The following UBE2K variants were observed in gnomAD, a reference collection of about 807,000 sequenced individuals.
The protein encoded by UBE2K is ubiquitin-conjugating enzyme E2 K.
In UBE2K, 6 loss-of-function variants were observed where a neutral mutation model predicts 30.0. The ratio of observed to expected loss-of-function variants is 0.20; its 90% confidence interval spans 0.11 to 0.39. The LOEUF is 0.39. UBE2K is among the 10% of genes least tolerant of loss of function. The probability of loss-of-function intolerance (pLI) is 1.00; values close to 1 mark genes in which losing one functional copy is unlikely to be tolerated. For missense variants in UBE2K, 61 were observed against 241.6 expected (o/e 0.25, Z 4.96); for synonymous variants, 86 against 83.7 (o/e 1.03, Z -0.15).
intron 2 of UBE2K, among the ~76,000 whole-genome samples, chr4:39,739,608 G>A (rs747833471): frequency 2.6e-4 from 39 of 151,820 alleles, no homozygotes; most frequent in Admixed American, 3.9e-4. Flanking sequence ...CACCATGCCC[G>A]GCTAATTTTT....
chr4:39,779,137 C>T lies in UBE2K; in HGVS notation c.*703C>T, dbSNP rs1713457704. The T allele has an allele frequency of 7.2e-6, 1 of 138,624 alleles. No homozygotes were observed. Among genetic ancestry groups the T allele is most frequent in the African/African-American group, 2.7e-5 (1 of 37,576 alleles). 8.6% of individuals were successfully genotyped at this position (138,624 alleles called of 1,614,324 possible). On this transcript the variant is annotated 3_prime_UTR_variant, in exon 7 of 7. Coordinates refer to ENST00000261427, the MANE Select transcript of UBE2K (RefSeq NM_005339.5). Reference sequence around the variant, plus strand: ...AAATGTGCTGAAGGACAGTATGTATCCCTTGCTTCATTTTTAGGTCGTAGG... The same window carrying T: ...AAATGTGCTGAAGGACAGTATGTATTCCTTGCTTCATTTTTAGGTCGTAGG...
At position 39,772,669 on chromosome 4, in the gene UBE2K, C is replaced by T. The variant is rs189851682; in HGVS notation, c.300-2165C>T. Among the ~76,000 whole-genome samples, 1,164 of 151,504 alleles carry T rather than the reference C, an allele frequency of 7.7e-3. 10 individuals carry two copies. Among genetic ancestry groups the T allele is most frequent in the Middle Eastern group, 0.02 (6 of 294 alleles). ...TAATATGTCCACATATTTATACATA[C>T]CTCTATTAATTGATAAAGCAACTTT... is the stretch of plus-strand genomic sequence containing the variant. On this transcript the variant is annotated intron_variant, in intron 4 of 6. Coordinates refer to ENST00000261427, the MANE Select transcript of UBE2K (RefSeq NM_005339.5).
chr4:39,772,413 A>AC (rs1712950339), intron 4 of UBE2K, among the ~76,000 whole-genome samples: 1 of 145,028 alleles, frequency 6.9e-6, no homozygotes, highest in Non-Finnish European at 1.5e-5. Flanking sequence ...AAAAAAAAAA[A>AC]AATTGTTTTT....
intron 1 of UBE2K, among the ~76,000 whole-genome samples, chr4:39,720,695 A>T (rs1719371932): frequency 6.6e-6 from 1 of 152,194 alleles, no homozygotes; most frequent in Non-Finnish European, 1.5e-5. Flanking sequence ...GTTAATAATC[A>T]TTTTACAATG....
chr4:39,761,577 T>C (rs1711947688), intron 4 of UBE2K, among the ~76,000 whole-genome samples: 1 of 152,250 alleles, frequency 6.6e-6, no homozygotes, highest in Admixed American at 6.5e-5. Flanking sequence ...GGTACTGATT[T>C]ATTCATATTA....
At chr4:39,710,587 T>C (rs1271461788) in intron 1 of UBE2K, among the ~76,000 whole-genome samples, 1 of 152,046 alleles carries the variant, frequency 6.6e-6, no homozygotes, top group Non-Finnish European at 1.5e-5. Context: ...ATTTTTTATA[T>C]ATGGCAGCTT....
chr4:39,753,513 A>T (rs1157376513), intron 3 of UBE2K, among the ~76,000 whole-genome samples: 2 of 152,182 alleles, frequency 1.3e-5, no homozygotes, highest in African/African-American at 4.8e-5. Flanking sequence ...TGCTTTATTA[A>T]GTAGGATGGA....
At chr4:39,736,390 A>G (rs1578455861) in intron 1 of UBE2K, among the ~76,000 whole-genome samples, 1 of 152,310 alleles carries the variant, frequency 6.6e-6, no homozygotes, top group East Asian at 1.9e-4. Flanking sequence ...TGAACCCAGG[A>G]GGTGGAGGTT....
intron 1 of UBE2K, among the ~76,000 whole-genome samples, chr4:39,726,938 C>T (rs1414110984): frequency 2.0e-5 from 3 of 152,168 alleles, no homozygotes; most frequent in Non-Finnish European, 4.4e-5. Context: ...AGTTATTTTG[C>T]AGCAAACCCC....
At chr4:39,715,529 C>T (rs1273643732) in intron 1 of UBE2K, among the ~76,000 whole-genome samples, 1 of 151,906 alleles carries the variant, frequency 6.6e-6, no homozygotes, top group African/African-American at 2.4e-5. Context: ...AGGCTGGTCT[C>T]CAACTCCTGA....
At chr4:39,774,373 C>G (rs74481031) in intron 4 of UBE2K, among the ~76,000 whole-genome samples, 16,690 of 151,546 alleles carry the variant, frequency 0.11, 1,157 homozygotes, top group East Asian at 0.22. Context: ...ATTGGGAGGC[C>G]AAGGCGGGCG....
At chr4:39,760,991 T>C (rs1031533225) in intron 4 of UBE2K, 3 of 152,134 alleles carry the variant, frequency 2.0e-5, no homozygotes, top group Non-Finnish European at 4.4e-5. Flanking sequence ...AACAAAAAAA[T>C]TTATAGCAGC....
At chr4:39,751,744 G>T (rs181539685) in intron 3 of UBE2K, among the ~76,000 whole-genome samples, 1 of 152,054 alleles carries the variant, frequency 6.6e-6, no homozygotes, top group Non-Finnish European at 1.5e-5. Flanking sequence ...AGGCTGAGGC[G>T]GGCGGATCAC....
At chr4:39,698,504 TC>T in intron 1 of UBE2K, 114 bp downstream of exon 1, 1 of 950,662 alleles carries the variant, frequency 1.1e-6, no homozygotes, top group Non-Finnish European at 1.7e-6. Flanking sequence ...CGGCCGCCCT[TC>T]TGCCTGTGAG....
At position 39,772,397 on chromosome 4, in the gene UBE2K, CA is replaced by C. The variant is rs34937270; in HGVS notation, c.300-2419del. 6.7e-4 allele frequency among the ~76,000 whole-genome samples: 85 copies of C among 127,216 alleles called. 1 individual carries two copies. The highest frequency in any genetic ancestry group is 1.0e-3 in the African/African-American group (32 of 31,136). 83.5% of individuals were successfully genotyped at this position (127,216 alleles called of 152,430 possible). ...TAACATGGTGAAACCCTGTCTCTACCAAAAAAAAAAAAAAAAAATTGTTTTT... is the reference window on the plus strand; with the variant it reads ...TAACATGGTGAAACCCTGTCTCTACCAAAAAAAAAAAAAAAAATTGTTTTT... On this transcript the variant is annotated intron_variant, in intron 4 of 6. Coordinates refer to ENST00000261427, the MANE Select transcript of UBE2K (RefSeq NM_005339.5).
chr4:39,698,184 C>T lies in UBE2K; in HGVS notation c.-144C>T, dbSNP rs1245888244. 1 of 810,518 alleles carries T rather than the reference C, an allele frequency of 1.2e-6. No homozygotes were observed. Among genetic ancestry groups the T allele is most frequent in the South Asian group, 1.5e-5 (1 of 66,626 alleles). The allele number at this position is 810,518 out of a possible 1,614,324, so 50.2% of individuals were successfully genotyped here. A position where few individuals can be genotyped will look rare whatever the true frequency, so the allele number is the denominator to read the frequency against. ...AGGTGATTCCACACTGAGGCGAGCG[C>T]GGCGGCCGGGGTGGTAGTGGCAGTG... is the stretch of plus-strand genomic sequence containing the variant. On this transcript the variant is annotated 5_prime_UTR_variant, in exon 1 of 7. Transcript: ENST00000261427.
chr4:39,711,414 G>A lies in UBE2K; in HGVS notation c.63+13024G>A, dbSNP rs949010212. 5.9e-5 allele frequency among the ~76,000 whole-genome samples: 9 copies of A among 151,562 alleles called. No homozygotes were observed. In the East Asian group the frequency reaches 9.7e-4, roughly 16 times the overall value. On this transcript the variant is annotated intron_variant, in intron 1 of 6. Coordinates refer to ENST00000261427, the MANE Select transcript of UBE2K (RefSeq NM_005339.5). The stretch of plus-strand genomic sequence containing the variant: ...CCTGACTTCATGATCCGCCCGCCTC[G>A]GCCTCCCAAAGTGCTGAGATTACAG...
chr4:39,705,001 G>T (rs1718258861), intron 1 of UBE2K, among the ~76,000 whole-genome samples: 2 of 151,120 alleles, frequency 1.3e-5, no homozygotes, highest in Admixed American at 6.6e-5. Flanking sequence ...CTCCTGAGTA[G>T]CTGGGATTAC....
chr4:39,746,397 A>G (rs1560364020), intron 3 of UBE2K, among the ~76,000 whole-genome samples: 1 of 152,094 alleles, frequency 6.6e-6, no homozygotes, highest in Non-Finnish European at 1.5e-5. Flanking sequence ...CACTTTCTTT[A>G]TGTCTCTGCT....
Sources: gnomAD v4.1 joint callset for allele counts (sites outside exome capture counted in the v4.1 genomes callset) on GRCh38, gnomAD v4.1.1 for gene constraint, MANE v1.5 for transcripts, NCBI Gene and HGNC (gene_info 2026-07-23, HGNC 2026-07-21) for gene names.